SLC28A3: variants seen among roughly 807,000 people sequenced by gnomAD.
SLC28A3 encodes solute carrier family 28 member 3.
A neutral mutation model predicts 84.2 loss-of-function variants in SLC28A3; 68 were observed. The observed-to-expected ratio is 0.81, with a 90% CI of 0.66 to 0.99. The LOEUF is 0.99. Ranked by LOEUF, SLC28A3 falls within the 50% of genes least tolerant of loss-of-function variation. The pLI, the probability that SLC28A3 is intolerant of heterozygous loss-of-function variation, is 0.00. For missense variants in SLC28A3, 712 were observed against 841.5 expected (o/e 0.85, Z 1.90); for synonymous variants, 267 against 303.6 (o/e 0.88, Z 1.25).
In SLC28A3 at chr9:84,321,690, C is replaced by T. The variant is rs12348196; in HGVS notation, c.61-8236G>A. Reference sequence around the variant, plus strand: ...CAGAGCTTGCAGTGAGCTGAGATTGCGCCACTGCACTCTAGCCTGGGCAAT... The same window carrying T: ...CAGAGCTTGCAGTGAGCTGAGATTGTGCCACTGCACTCTAGCCTGGGCAAT... On this transcript the variant is annotated intron_variant, in intron 1 of 17. Coordinates refer to ENST00000376238, the MANE Select transcript of SLC28A3 (RefSeq NM_001199633.2). 7.9e-3 allele frequency among the ~76,000 whole-genome samples: 1,095 copies of T among 138,440 alleles called. 11 individuals carry two copies. The highest frequency in any genetic ancestry group is 0.028 in the African/African-American group (1,020 of 36,460). The allele number at this position is 138,440 out of a possible 152,430, so 90.8% of individuals were successfully genotyped here.
At position 84,275,843 on chromosome 9, in the gene SLC28A3, C is replaced by T. The variant is rs17426961; in HGVS notation, c.*2375G>A. On this transcript the variant is annotated 3_prime_UTR_variant, in exon 18 of 18. Transcript: ENST00000376238. Reference sequence around the variant, plus strand: ...ATGCACAGCATTAATAAGGAATCAACGTAGGACCTATGTGAACATGTTGCA... The same window carrying T: ...ATGCACAGCATTAATAAGGAATCAATGTAGGACCTATGTGAACATGTTGCA... The T allele has an allele frequency of 0.14, 21,431 of 152,092 alleles. 1,749 individuals carry two copies. Among genetic ancestry groups the T allele is most frequent in the South Asian group, 0.22 (1,065 of 4,812 alleles). 9.4% of individuals were successfully genotyped at this position (152,092 alleles called of 1,614,324 possible). A position where few individuals can be genotyped will look rare whatever the true frequency, so the allele number is the denominator to read the frequency against.
At chr9:84,307,440 A>C (rs1028282099) in intron 3 of SLC28A3, among the ~76,000 whole-genome samples, 45 of 150,924 alleles carry the variant, frequency 3.0e-4, no homozygotes, top group Admixed American at 1.0e-3. Flanking sequence ...CAAAAAAAAA[A>C]AAAAACAAAA....
chr9:84,293,590 C>T (rs1430908952), intron 9 of SLC28A3, among the ~76,000 whole-genome samples: 3 of 152,200 alleles, frequency 2.0e-5, no homozygotes, highest in East Asian at 3.8e-4. Context: ...AATTAGCTGA[C>T]GGAGCTCCTT....
chr9:84,303,495 T>A (rs1825697300), intron 4 of SLC28A3, among the ~76,000 whole-genome samples: 1 of 152,196 alleles, frequency 6.6e-6, no homozygotes, highest in South Asian at 2.1e-4. Flanking sequence ...TAATTTTGTA[T>A]TTTTAGTAGA....
upstream of SLC28A3, among the ~76,000 whole-genome samples, chr9:84,342,575 G>A (rs1161943015): frequency 2.3e-5 from 3 of 130,178 alleles, no homozygotes; most frequent in African/African-American, 1.2e-4. Flanking sequence ...ATCACCCATG[G>A]CTAAATTTTT....
intron 6 of SLC28A3, 51 bp from the exon 7 acceptor site, chr9:84,298,070 C>A (rs773457720): frequency 6.9e-7 from 1 of 1,457,764 alleles, no homozygotes; most frequent in East Asian, 2.3e-5. Context: ...TAATGCAGGC[C>A]GTGGCATGAA....
rs757957901 is a variant in SLC28A3, at chr9:84,280,807, C to A, written c.1723G>T (p.Gly575Ter). Residue 575 changes from glycine (G) to a stop codon, truncating the protein, a stop_gained, in exon 15 of 18, where the codon GGA becomes TGA. Transcript: ENST00000376238. LOFTEE classifies it high-confidence loss of function. ...NIGSLGIVIG[G>*]LTSMAPSRKR... ...GAATGTTCTTTTCACTTACTGAGTC[C>A]GCCGATCACGATTCCTAGGGACCCG... The A allele has an allele frequency of 1.8e-5, 29 of 1,613,742 alleles. No individual in the cohort carries two copies. In the South Asian group the frequency reaches 3.0e-4, roughly 17 times the overall value.
At chr9:84,285,069 G>A (rs1824924766) in intron 14 of SLC28A3, among the ~76,000 whole-genome samples, 1 of 152,208 alleles carries the variant, frequency 6.6e-6, no homozygotes, top group African/African-American at 2.4e-5. Context: ...CAGCTCATGT[G>A]ACTCTGGGTC....
the SLC28A3 span, among the ~76,000 whole-genome samples, chr9:84,364,218 A>G: frequency 2.1e-5 from 3 of 144,662 alleles, no homozygotes; most frequent in African/African-American, 7.7e-5. Flanking sequence ...TCTGCTTGCC[A>G]GGTTCAAGCA....
chr9:84,358,237 G>C, the SLC28A3 span, among the ~76,000 whole-genome samples: 2 of 152,190 alleles, frequency 1.3e-5, no homozygotes, highest in African/African-American at 4.8e-5. Context: ...CCATACAGGG[G>C]AGAGAGTCCA....
chr9:84,280,848 C>T lies in SLC28A3; in HGVS notation c.1682G>A (p.Cys561Tyr). ...RSEIIATYALCGFANIGSLGI... is the reference protein window; with the variant it reads ...RSEIIATYALYGFANIGSLGI... Reference sequence around the variant, plus strand: ...TAGGGACCCGATATTGGCAAAACCACAGAGAGCGTAAGTGGCGATTATCTC... The same window carrying T: ...TAGGGACCCGATATTGGCAAAACCATAGAGAGCGTAAGTGGCGATTATCTC... The change falls in exon 15 of 18, where the codon TGT becomes TAT. Residue 561 changes from cysteine (C) to tyrosine (Y), a missense_variant. Physicochemically the swap from Cys to Tyr is radical, Grantham distance 194. Transcript: ENST00000376238. 1 of 1,614,132 alleles carries T rather than the reference C, an allele frequency of 6.2e-7. No homozygotes were observed. The highest frequency in any genetic ancestry group is 1.7e-5 in the Admixed American group (1 of 60,020).
chr9:84,297,954 C>T lies in SLC28A3; in HGVS notation c.735G>A (p.Arg245=), dbSNP rs766847389. Residue 245 remains arginine (R), a synonymous_variant, in exon 7 of 18, where the codon AGG becomes AGA. Coordinates refer to ENST00000376238, the MANE Select transcript of SLC28A3 (RefSeq NM_001199633.2). The part of the protein sequence containing the change: ...LQFLLGLLIL[R]TDPGFIAFDW... ...CAAAAGCTATAAATCCAGGGTCAGT[C>T]CTTAGAATCAAGAGCCCAAGAAGAA... The T allele has an allele frequency of 6.2e-7, 1 of 1,612,420 alleles. No homozygotes were observed. The highest frequency in any genetic ancestry group is 8.5e-7 in the Non-Finnish European group (1 of 1,179,668).
chr9:84,303,363 C>T (rs1325910537), intron 4 of SLC28A3, among the ~76,000 whole-genome samples: 1 of 152,166 alleles, frequency 6.6e-6, no homozygotes, highest in Non-Finnish European at 1.5e-5. Context: ...TCTTGTTGCC[C>T]AGGATAAAGT....
At chr9:84,287,297 G>A (rs1564147775) in intron 12 of SLC28A3, among the ~76,000 whole-genome samples, 1 of 152,182 alleles carries the variant, frequency 6.6e-6, no homozygotes, top group Non-Finnish European at 1.5e-5. Context: ...AAGTATGGGT[G>A]AATTTCAGAC....
intron 5 of SLC28A3, among the ~76,000 whole-genome samples, chr9:84,300,030 C>T (rs554818160): frequency 2.0e-5 from 3 of 152,166 alleles, no homozygotes; most frequent in East Asian, 1.9e-4. Flanking sequence ...TGAGCTCAGG[C>T]GATTGCCCGC....
At chr9:84,367,487 G>T in the SLC28A3 span, among the ~76,000 whole-genome samples, 1 of 152,200 alleles carries the variant, frequency 6.6e-6, no homozygotes, top group Non-Finnish European at 1.5e-5. Context: ...TTTCTCGTCA[G>T]GTGGAGACGA....
intron 1 of SLC28A3, among the ~76,000 whole-genome samples, chr9:84,337,714 G>A (rs1827030987): frequency 6.6e-6 from 1 of 152,014 alleles, no homozygotes; most frequent in African/African-American, 2.4e-5. Context: ...GTTGAATGAA[G>A]TCATTTCCAT....
chr9:84,362,913 A>G, the SLC28A3 span, among the ~76,000 whole-genome samples: 2 of 152,130 alleles, frequency 1.3e-5, no homozygotes, highest in Non-Finnish European at 2.9e-5. Flanking sequence ...TAAATAACAG[A>G]TTTATAAATC....
intron 14 of SLC28A3, among the ~76,000 whole-genome samples, chr9:84,282,407 A>G (rs1824791713): frequency 6.6e-6 from 1 of 152,210 alleles, no homozygotes; most frequent in Non-Finnish European, 1.5e-5. Context: ...AGTGAAAAGG[A>G]TATAATTTAA....
Sources: gnomAD v4.1 joint callset for allele counts (sites outside exome capture counted in the v4.1 genomes callset) on GRCh38, gnomAD v4.1.1 for gene constraint, MANE v1.5 for transcripts, NCBI Gene and HGNC (gene_info 2026-07-23, HGNC 2026-07-21) for gene names.